ZIC5: variants seen among roughly 807,000 people sequenced by gnomAD.
ZIC5 encodes the protein Zic family zinc finger 5.
Under a neutral mutation model 28.5 loss-of-function variants are expected in ZIC5, and 20 were observed. The ratio of observed to expected loss-of-function variants is 0.70; its 90% confidence interval spans 0.49 to 1.02. The LOEUF is 1.02. Ranked by LOEUF, ZIC5 falls within the 50% of genes least tolerant of loss-of-function variation. The pLI, the probability that ZIC5 is intolerant of heterozygous loss-of-function variation, is 0.00. For missense variants in ZIC5, 951 were observed against 899.7 expected (o/e 1.06, Z -0.73); for synonymous variants, 488 against 410.4 (o/e 1.19, Z -2.29).
In ZIC5 at chr13:99,971,065, G is replaced by A. The variant is rs568771651; in HGVS notation, c.539C>T (p.Ser180Phe). 3 of 1,426,948 alleles carry A rather than the reference G, an allele frequency of 2.1e-6. No individual in the cohort carries two copies. The highest frequency in any genetic ancestry group is 2.7e-6 in the Non-Finnish European group (3 of 1,102,352). The allele number at this position is 1,426,948 out of a possible 1,614,324, so 88.4% of individuals were successfully genotyped here. A position where few individuals can be genotyped will look rare whatever the true frequency, so the allele number is the denominator to read the frequency against. Residue 180 changes from serine to phenylalanine, a missense_variant, in exon 1 of 2, where the codon TCC becomes TTC. Around this residue, in one of 3 missense-constraint regions of ZIC5, gnomAD observed 784 missense variants for 660.1 expected, o/e 1.19. Coordinates refer to ENST00000267294, the MANE Select transcript of ZIC5 (RefSeq NM_033132.5). ...CATGGCCGCCGCGGGGGCCGTGGCG[G>A]AAAGGTCCCTCCGGAGGACGAAGTC... ...SRDFVLRRDL[S>F]ATAPAAAMHG... is the part of the protein sequence containing the mutation.
In ZIC5 at chr13:99,964,574, A is replaced by G. The variant is rs1002715738; in HGVS notation, c.*803T>C. On this transcript the variant is annotated 3_prime_UTR_variant, in exon 2 of 2. Transcript: ENST00000267294. ...TCACAGTTTCACAGTTGTCTTTTGCAGCAGCTTTTCTTCTCTCCACTTTTG... is the reference window on the plus strand; with the variant it reads ...TCACAGTTTCACAGTTGTCTTTTGCGGCAGCTTTTCTTCTCTCCACTTTTG... 1.3e-5 allele frequency: 2 copies of G among 152,558 alleles called. No individual in the cohort carries two copies. The highest frequency in any genetic ancestry group is 4.8e-5 in the African/African-American group (2 of 41,436). The allele number at this position is 152,558 out of a possible 1,614,324, so 9.5% of individuals were successfully genotyped here. A position where few individuals can be genotyped will look rare whatever the true frequency, so the allele number is the denominator to read the frequency against.
rs2053132779 is a variant in ZIC5, at chr13:99,969,848, G to T, written c.1477+279C>A. ...CGGCGGCGGCTGGCGCGCGTTGCGG[G>T]TCCCGGCCGAGGGGCTGCGGGCGCG... On this transcript the variant is annotated intron_variant, in intron 1 of 1. Transcript: ENST00000267294. 4.7e-5 allele frequency among the ~76,000 whole-genome samples: 7 copies of T among 148,940 alleles called. No homozygotes were observed. The South Asian group carries it at 1.5e-3, about 32-fold the overall frequency.
At chr13:99,967,767 G>C (rs1239563021) in intron 1 of ZIC5, among the ~76,000 whole-genome samples, 1 of 152,202 alleles carries the variant, frequency 6.6e-6, no homozygotes, top group African/African-American at 2.4e-5. Context: ...GTTAAATAAA[G>C]GAAGAGGTGC....
At position 99,970,491 on chromosome 13, in the gene ZIC5, C is replaced by A. The variant is rs1409992156; in HGVS notation, c.1113G>T (p.Glu371Asp). The A allele has an allele frequency of 8.8e-7, 1 of 1,130,754 alleles. No individual in the cohort carries two copies. The allele number at this position is 1,130,754 out of a possible 1,614,324, so 70.0% of individuals were successfully genotyped here. A position where few individuals can be genotyped will look rare whatever the true frequency, so the allele number is the denominator to read the frequency against. The change falls in exon 1 of 2, where the codon GAG becomes GAT. Residue 371 changes from glutamate (E) to aspartate (D), a missense_variant. Around this residue, in one of 3 missense-constraint regions of ZIC5, gnomAD observed 784 missense variants for 660.1 expected, o/e 1.19. Transcript: ENST00000267294. ...CGGGGTCGATCCACTTGCAGATGAG[C>A]TCCTGCTTGATTGGCTGCCGCATGT... ...LRYMRQPIKQ[E>D]LICKWIDPDE... is the part of the protein sequence containing the mutation.
chr13:99,966,267 A>G (rs1327573980), intron 1 of ZIC5, among the ~76,000 whole-genome samples: 2 of 152,234 alleles, frequency 1.3e-5, no homozygotes, highest in Non-Finnish European at 2.9e-5. Flanking sequence ...TAAGAAAAAG[A>G]GAAAAAAGCA....
In ZIC5 at chr13:99,970,747, TC is replaced by T. The variant is rs1272456303; in HGVS notation, c.856del (p.Asp286ThrfsTer21). 2.5e-6 allele frequency: 3 copies of T among 1,186,604 alleles called. No homozygotes were observed. Among genetic ancestry groups the T allele is most frequent in the East Asian group, 4.5e-5 (1 of 22,312 alleles). The allele number at this position is 1,186,604 out of a possible 1,614,324, so 73.5% of individuals were successfully genotyped here. ...AEPPFAPRSG[D>X]AHYGAVAAAA... is the part of the protein sequence containing the mutation. ...GGCCGCAACCGCCCCGTAGTGCGCG[TC>T]CCCAGAGCGCGGCGCGAAGGGCGGT... On this transcript the variant is annotated frameshift_variant, in exon 1 of 2. Transcript: ENST00000267294. LOFTEE classifies it high-confidence loss of function.
upstream of ZIC5, chr13:99,971,797 C>G (rs887978554): frequency 7.5e-7 from 1 of 1,340,078 alleles, no homozygotes; most frequent in South Asian, 1.4e-5. Flanking sequence ...CACAGTGGGA[C>G]CGAGATTTTG....
Position 99,965,506 on chromosome 13 carries a change from A to T in ZIC5, c.1791T>A (p.Asn597Lys), listed in dbSNP as rs1267640158. ...STLSPQVTNL[N>K]EWYVCQASGA... ...CACTGGCCTGGCAAACGTACCACTC[A>T]TTGAGGTTGGTCACCTGAGGGGACA... The change falls in exon 2 of 2, where the codon AAT (asparagine) becomes AAA (lysine). Residue 597 changes from asparagine to lysine, a missense_variant. Asn to Lys is a moderately conservative substitution (Grantham distance 94). Transcript: ENST00000267294. 6.2e-7 allele frequency: 1 copy of T among 1,613,896 alleles called. No homozygotes were observed. Among genetic ancestry groups the T allele is most frequent in the Non-Finnish European group, 8.5e-7 (1 of 1,179,906 alleles).
At chr13:99,968,456 C>T (rs1197812185) in intron 1 of ZIC5, among the ~76,000 whole-genome samples, 1 of 152,110 alleles carries the variant, frequency 6.6e-6, no homozygotes, top group East Asian at 1.9e-4. Context: ...CCCACGCACG[C>T]GCGCGTGCCC....
rs1334588808 is a variant in ZIC5, at chr13:99,970,891, G to T, written c.713C>A (p.Ala238Glu). Residue 238 changes from alanine to glutamate, a missense_variant, in exon 1 of 2, where the codon GCG (alanine) becomes GAG (glutamate). This residue lies in a region of ZIC5 where 784 missense variants were observed against 660.1 expected (regional missense o/e 1.19). Coordinates refer to ENST00000267294, the MANE Select transcript of ZIC5 (RefSeq NM_033132.5). ...DGSGGPALFPALHDTPGAPGG... is the reference protein window; with the variant it reads ...DGSGGPALFPELHDTPGAPGG... ...TGGGGCCCCCGGCGTGTCGTGCAGCGCGGGGAAGAGCGCCGGGCCGCCGCT... is the reference window on the plus strand; with the variant it reads ...TGGGGCCCCCGGCGTGTCGTGCAGCTCGGGGAAGAGCGCCGGGCCGCCGCT... 1 of 1,331,808 alleles carries T rather than the reference G, an allele frequency of 7.5e-7. No individual in the cohort carries two copies. The highest frequency in any genetic ancestry group is 9.5e-7 in the Non-Finnish European group (1 of 1,051,448). The allele number at this position is 1,331,808 out of a possible 1,614,324, so 82.5% of individuals were successfully genotyped here. A position where few individuals can be genotyped will look rare whatever the true frequency, so the allele number is the denominator to read the frequency against.
chr13:99,971,498 C>T lies in ZIC5; in HGVS notation c.106G>A (p.Ala36Thr), dbSNP rs1339486273. ...LQNMTGFPAL[A>T]GPPAHSQLRA... ...AGTTGGGAGTGGGCGGGCGGGCCGG[C>T]CAGCGCCGGGAAGCCTGTCATATTC... The change falls in exon 1 of 2, where the codon GCC becomes ACC. Residue 36 changes from alanine (A) to threonine (T), a missense_variant. Coordinates refer to ENST00000267294, the MANE Select transcript of ZIC5 (RefSeq NM_033132.5). The T allele has an allele frequency of 1.9e-6, 3 of 1,550,810 alleles. No homozygotes were observed. The highest frequency in any genetic ancestry group is 2.6e-6 in the Non-Finnish European group (3 of 1,147,012).
Position 99,970,584 on chromosome 13 carries a change from C to CGGCGGCGGCGGCGGCGGCGCCGGG in ZIC5, c.1019_1020insCCCGGCGCCGCCGCCGCCGCCGCC (p.Pro340_Ala341insProAlaProProProProProPro), listed in dbSNP as rs2053145080. 1.0e-6 allele frequency: 1 copy of CGGCGGCGGCGGCGGCGGCGCCGGG among 975,800 alleles called. No individual in the cohort carries two copies. The highest frequency in any genetic ancestry group is 1.2e-6 in the Non-Finnish European group (1 of 825,086). The allele number at this position is 975,800 out of a possible 1,614,324, so 60.4% of individuals were successfully genotyped here. Reference sequence around the variant, plus strand: ...GCTGGTGCGGGTGCTGCGCGGGCGCCGGCGGCGGCGGCGGCGCCGGGGGCG... The same window carrying CGGCGGCGGCGGCGGCGGCGCCGGG: ...GCTGGTGCGGGTGCTGCGCGGGCGCCGGCGGCGGCGGCGGCGGCGCCGGGGGCGGCGGCGGCGGCGCCGGGGGCG... On this transcript the variant is annotated inframe_insertion, in exon 1 of 2. Coordinates refer to ENST00000267294, the MANE Select transcript of ZIC5 (RefSeq NM_033132.5).
At chr13:99,970,088 G>C in intron 1 of ZIC5, 39 bp downstream of exon 1, 2 of 1,607,060 alleles carry the variant, frequency 1.2e-6, no homozygotes, top group Non-Finnish European at 1.7e-6. Flanking sequence ...GCAGGAGCTG[G>C]TGGCGGCGGC....
chr13:99,970,033 G>A (rs2053135388), intron 1 of ZIC5, 94 bp downstream of exon 1: 1 of 1,567,854 alleles, frequency 6.4e-7, no homozygotes, highest in African/African-American at 1.4e-5. Flanking sequence ...AAAAATTAAG[G>A]CGAGCAGGAG....
intron 1 of ZIC5, among the ~76,000 whole-genome samples, chr13:99,969,820 C>T (rs539578578): frequency 6.6e-6 from 1 of 152,084 alleles, no homozygotes; most frequent in South Asian, 2.1e-4. Context: ...TCCGAGGTGG[C>T]GGCGGCGGCG....
chr13:99,968,469 G>A (rs2152154883), intron 1 of ZIC5, among the ~76,000 whole-genome samples: 1 of 152,194 alleles, frequency 6.6e-6, no homozygotes, highest in Non-Finnish European at 1.5e-5. Flanking sequence ...GCGTGCCCCG[G>A]GAAGCCACCG....
rs2053091576 is a variant in ZIC5, at chr13:99,965,364, T to A, written c.*13A>T. The A allele has an allele frequency of 1.2e-6, 2 of 1,602,314 alleles. No individual in the cohort carries two copies. The highest frequency in any genetic ancestry group is 1.7e-6 in the Non-Finnish European group (2 of 1,173,432). On this transcript the variant is annotated 3_prime_UTR_variant, in exon 2 of 2. Transcript: ENST00000267294. ...CCACTTATTATTTCACTTATTATTA[T>A]TAATAATAAATTCTAATGTATCGTC...
chr13:99,965,739 C>T lies in ZIC5; in HGVS notation c.1558G>A (p.Val520Ile). 6.2e-7 allele frequency: 1 copy of T among 1,614,144 alleles called. No individual in the cohort carries two copies. ...TAGTAGGGCTTGTCACTGGTGTGGA[C>T]ATGGGAATGTTTCTTCCGATCACTG... Reference protein sequence around the residue: ...NSSDRKKHSHVHTSDKPYYCK... With the variant: ...NSSDRKKHSHIHTSDKPYYCK... The change falls in exon 2 of 2, where the codon GTC becomes ATC. Residue 520 changes from valine (V) to isoleucine (I), a missense_variant. Val to Ile is a conservative substitution (Grantham distance 29, BLOSUM62 3). This residue lies in a region of ZIC5 where 59 missense variants were observed against 121.2 expected (regional missense o/e 0.49). Coordinates refer to ENST00000267294, the MANE Select transcript of ZIC5 (RefSeq NM_033132.5).
Position 99,970,441 on chromosome 13 carries a change from G to T in ZIC5, c.1163C>A (p.Pro388Gln). Reference protein sequence around the residue: ...DPDELAGLPPPPPPPPPPPPP... With the variant: ...DPDELAGLPPQPPPPPPPPPP... ...CGGCGGCGGCGGCGGCGGCGGCGGCGGCGGCGGCAGCCCGGCCAGCTCGTC... is the reference window on the plus strand; with the variant it reads ...CGGCGGCGGCGGCGGCGGCGGCGGCTGCGGCGGCAGCCCGGCCAGCTCGTC... The change falls in exon 1 of 2, where the codon CCG becomes CAG. Residue 388 changes from proline (P) to glutamine (Q), a missense_variant. Coordinates refer to ENST00000267294, the MANE Select transcript of ZIC5 (RefSeq NM_033132.5). The T allele has an allele frequency of 9.6e-7, 1 of 1,039,568 alleles. No homozygotes were observed. The highest frequency in any genetic ancestry group is 1.7e-5 in the African/African-American group (1 of 57,892). 64.4% of individuals were successfully genotyped at this position (1,039,568 alleles called of 1,614,324 possible).
Sources: allele counts gnomAD v4.1 joint callset (sites outside exome capture counted in the v4.1 genomes callset), GRCh38; gene constraint gnomAD v4.1.1; regional missense constraint gnomAD v4.1.1; transcripts MANE v1.5; gene names NCBI Gene and HGNC (gene_info 2026-07-23, HGNC 2026-07-21).